The following OR2L13 variants were observed in gnomAD, a reference collection of about 807,000 sequenced individuals.
OR2L13 encodes the protein olfactory receptor 2L13.
Under a neutral mutation model 15.3 loss-of-function variants are expected in OR2L13, and 14 were observed. The observed-to-expected ratio is 0.91, with a 90% confidence interval of 0.60 to 1.43. The LOEUF (loss-of-function observed/expected upper bound fraction) is 1.43, where lower values mean the gene tolerates loss of function less well. OR2L13 is among the 40% of genes most tolerant of loss of function. OR2L13 has a pLI of 0.00. For missense variants in OR2L13, 367 were observed against 387.9 expected, an observed-to-expected ratio of 0.95 and a Z score of 0.45; for synonymous variants, 152 against 142.9, an observed-to-expected ratio of 1.06 and a Z score of -0.45.
the OR2L13 span, among the ~76,000 whole-genome samples, chr1:248,001,346 A>C: frequency 3.3e-5 from 5 of 151,936 alleles, no homozygotes; most frequent in South Asian, 2.1e-4. Context: ...GTTCAGGTTT[A>C]AGGTTTGTGG....
At chr1:247,966,293 G>A in the OR2L13 span, 1 of 1,613,602 alleles carries the variant, frequency 6.2e-7, no homozygotes, top group Non-Finnish European at 8.5e-7. Context: ...AGACTGTTGG[G>A]ATATTGGATA....
chr1:247,976,032 A>C, the OR2L13 span, among the ~76,000 whole-genome samples: 23 of 152,338 alleles, frequency 1.5e-4, no homozygotes, highest in African/African-American at 5.5e-4. Context: ...ATCTAATTGA[A>C]TATAAGATAG....
the OR2L13 span, among the ~76,000 whole-genome samples, chr1:248,076,228 C>T: frequency 0.09 from 13,725 of 152,164 alleles, 836 homozygotes; most frequent in African/African-American, 0.17. Context: ...GTACCAGTAC[C>T]GTGCTGCTTT....
the OR2L13 span, among the ~76,000 whole-genome samples, chr1:248,070,511 C>G: frequency 6.6e-6 from 1 of 152,042 alleles, no homozygotes; most frequent in Non-Finnish European, 1.5e-5. Context: ...TAAATGCCCA[C>G]AAGAGAAAGC....
chr1:248,099,002 CAATT>C (rs1664790612), intron 2 of OR2L13, among the ~76,000 whole-genome samples: 1 of 152,114 alleles, frequency 6.6e-6, no homozygotes, highest in South Asian at 2.1e-4. Context: ...TCTTTATTCT[CAATT>C]ATTAACATTT....
the OR2L13 span, chr1:248,003,866 G>T: frequency 1.9e-6 from 3 of 1,612,682 alleles, no homozygotes; most frequent in Non-Finnish European, 2.5e-6. Flanking sequence ...CCACCTCACT[G>T]TAGTAACTTT....
exon 3 of OR2L13, chr1:248,099,772 A>G (rs1332967548): frequency 1.9e-6 from 3 of 1,613,884 alleles, no homozygotes; most frequent in South Asian, 1.1e-5. Context: ...CTATTATCCT[A>G]TCCGCATGAG....
chr1:248,038,711 G>T, the OR2L13 span: 1 of 1,613,978 alleles, frequency 6.2e-7, no homozygotes, highest in Non-Finnish European at 8.5e-7. Flanking sequence ...CAGGATCTTG[G>T]ATGATAAGCT....
At chr1:248,015,366 C>T in the OR2L13 span, among the ~76,000 whole-genome samples, 33 of 152,028 alleles carry the variant, frequency 2.2e-4, no homozygotes, top group Admixed American at 9.2e-4. Flanking sequence ...GCCTATACTC[C>T]GGAGGACACT....
chr1:248,059,604 C>A, the OR2L13 span, among the ~76,000 whole-genome samples: 1 of 152,170 alleles, frequency 6.6e-6, no homozygotes, highest in Non-Finnish European at 1.5e-5. Flanking sequence ...AGGGACATAG[C>A]AATAAGGATT....
the OR2L13 span, among the ~76,000 whole-genome samples, chr1:248,016,963 A>G: frequency 6.6e-6 from 1 of 152,186 alleles, no homozygotes; most frequent in Admixed American, 6.6e-5. Flanking sequence ...AAATCCTGAC[A>G]TATTGCAAGT....
chr1:248,054,550 A>G, the OR2L13 span, among the ~76,000 whole-genome samples: 1 of 152,158 alleles, frequency 6.6e-6, no homozygotes. Context: ...CATTTTCACA[A>G]TATTGATTCT....
the OR2L13 span, chr1:247,965,137 A>G: frequency 2.1e-6 from 1 of 465,872 alleles, no homozygotes; most frequent in African/African-American, 2.0e-5. Context: ...TAATCTGTCT[A>G]TACATTAGGT....
chr1:247,966,389 T>C, the OR2L13 span: 1 of 1,516,066 alleles, frequency 6.6e-7, no homozygotes, highest in Non-Finnish European at 8.9e-7. Flanking sequence ...TCTGGAAAGA[T>C]ATAAATATGT....
chr1:248,096,691 AG>A (rs1664749289), upstream of OR2L13, among the ~76,000 whole-genome samples: 2 of 152,154 alleles, frequency 1.3e-5, no homozygotes. Flanking sequence ...TGTTTAAAAG[AG>A]TTTTAAGAAG....
upstream of OR2L13, among the ~76,000 whole-genome samples, chr1:248,092,880 G>A (rs1177182214): frequency 2.6e-5 from 4 of 152,062 alleles, no homozygotes; most frequent in Non-Finnish European, 5.9e-5. Flanking sequence ...TTTGGTCAGA[G>A]CCTCCAAGGA....
At chr1:248,006,049 G>A in the OR2L13 span, among the ~76,000 whole-genome samples, 3 of 152,048 alleles carry the variant, frequency 2.0e-5, no homozygotes, top group Admixed American at 2.0e-4. Flanking sequence ...ATGGGCTCTG[G>A]AGCAGAGGGA....
the OR2L13 span, among the ~76,000 whole-genome samples, chr1:248,046,110 AAATTC>A: frequency 2.0e-5 from 3 of 152,162 alleles, no homozygotes; most frequent in Admixed American, 6.5e-5. Context: ...TACTGAGTAA[AAATTC>A]AATTCAATTA....
chr1:248,049,810 A>T, the OR2L13 span, among the ~76,000 whole-genome samples: 2 of 152,168 alleles, frequency 1.3e-5, no homozygotes, highest in African/African-American at 4.8e-5. Context: ...CTGCCAAAAA[A>T]TTTTGAGGGA....
Sources: gnomAD v4.1 joint callset for allele counts (sites outside exome capture counted in the v4.1 genomes callset) on GRCh38, gnomAD v4.1.1 for gene constraint, MANE v1.5 for transcripts, NCBI Gene and HGNC (gene_info 2026-07-23, HGNC 2026-07-21) for gene names.